GFM1: variants seen among roughly 807,000 people sequenced by gnomAD.
GFM1 encodes the protein elongation factor G, mitochondrial.
A neutral mutation model predicts 96.2 loss-of-function variants in GFM1; 62 were observed. That is an observed-to-expected ratio of 0.64 (90% CI 0.53 to 0.80). The LOEUF is 0.80. Ranked by LOEUF, GFM1 falls within the 30% of genes least tolerant of loss-of-function variation. The pLI is 0.00. For synonymous variants in GFM1, 282 were observed against 312.9 expected (o/e 0.90, Z 1.04); for missense variants, 852 against 916.6 (o/e 0.93, Z 0.91).
At chr3:158,689,862 G>A (rs1726162656) in intron 15 of GFM1, among the ~76,000 whole-genome samples, 1 of 151,958 alleles carries the variant, frequency 6.6e-6, no homozygotes, top group East Asian at 1.9e-4. Context: ...TAATTTAGAT[G>A]GTAAAGGACT....
rs558275501 is a variant in GFM1, at chr3:158,681,917, G to C, written c.1602-78G>C. 2.2e-5 allele frequency: 25 copies of C among 1,158,290 alleles called. No homozygotes were observed. In the East Asian group the frequency reaches 6.1e-4, roughly 28 times the overall value. The allele number at this position is 1,158,290 out of a possible 1,614,324, so 71.8% of individuals were successfully genotyped here. A position where few individuals can be genotyped will look rare whatever the true frequency, so the allele number is the denominator to read the frequency against. Reference sequence around the variant, plus strand: ...TGAAAAAGTAAAAATAATCAAATGTGTTCTTTTAAATTAATAGGAGTTATT... The same window carrying C: ...TGAAAAAGTAAAAATAATCAAATGTCTTCTTTTAAATTAATAGGAGTTATT... On this transcript the variant is annotated intron_variant, in intron 13 of 17. Coordinates refer to ENST00000486715, the MANE Select transcript of GFM1 (RefSeq NM_024996.7).
intron 6 of GFM1, 77 bp downstream of exon 6, chr3:158,652,323 C>A: frequency 1.6e-6 from 2 of 1,222,294 alleles, no homozygotes; most frequent in Non-Finnish European, 2.4e-6. Flanking sequence ...GGACATGATG[C>A]TTTTATGTAT....
At chr3:158,673,675 C>T (rs1724599704) in intron 13 of GFM1, among the ~76,000 whole-genome samples, 1 of 151,738 alleles carries the variant, frequency 6.6e-6, no homozygotes, top group Non-Finnish European at 1.5e-5. Flanking sequence ...CAATGCCCGG[C>T]TAGTTTTTTG....
chr3:158,663,378 T>A (rs1479548566), intron 11 of GFM1, among the ~76,000 whole-genome samples: 1 of 152,248 alleles, frequency 6.6e-6, no homozygotes, highest in Non-Finnish European at 1.5e-5. Context: ...ATTCACTTAT[T>A]CATACATTGA....
chr3:158,662,806 T>C (rs1194699841), intron 11 of GFM1, 122 bp downstream of exon 11: 3 of 730,360 alleles, frequency 4.1e-6, no homozygotes, highest in African/African-American at 1.8e-5. Context: ...ATTTCCTCTG[T>C]TGGTATTGAG....
intron 8 of GFM1, among the ~76,000 whole-genome samples, 159 bp downstream of exon 8, chr3:158,654,790 T>G (rs1576737520): frequency 6.6e-6 from 1 of 152,202 alleles, no homozygotes. Flanking sequence ...ACATGATAGT[T>G]CTTTTGTTAT....
chr3:158,673,157 A>G (rs1251248618), intron 13 of GFM1, among the ~76,000 whole-genome samples: 1 of 152,270 alleles, frequency 6.6e-6, no homozygotes, highest in Non-Finnish European at 1.5e-5. Context: ...ATAGTATTAA[A>G]TTGGGAGATT....
chr3:158,655,920 GTTT>G (rs1722713767), intron 8 of GFM1: 2 of 457,098 alleles, frequency 4.4e-6, no homozygotes, highest in Non-Finnish European at 8.8e-6. Flanking sequence ...GGCTGTAATA[GTTT>G]CTTAGACTTT....
In GFM1 at chr3:158,691,520, C is replaced by T. The variant is rs1465296566; in HGVS notation, c.*53C>T. 5.7e-6 allele frequency: 9 copies of T among 1,591,568 alleles called. No individual in the cohort carries two copies. In the East Asian group the frequency reaches 2.0e-4, roughly 36 times the overall value. ...TAATTGAATCTGCGTGGTTTTGATA[C>T]TTTGATGGATTCCAGTGGAATAAAT... On this transcript the variant is annotated 3_prime_UTR_variant, in exon 18 of 18. Transcript: ENST00000486715.
intron 13 of GFM1, among the ~76,000 whole-genome samples, chr3:158,678,307 A>G (rs1725072683): frequency 6.6e-6 from 1 of 152,212 alleles, no homozygotes; most frequent in South Asian, 2.1e-4. Context: ...TACATTTTGT[A>G]AGGCGATCGC....
chr3:158,662,747 T>G, intron 11 of GFM1, 63 bp downstream of exon 11: 1 of 933,020 alleles, frequency 1.1e-6, no homozygotes, highest in Non-Finnish European at 1.8e-6. Flanking sequence ...TTCATCTATC[T>G]CTACAATGCA....
At chr3:158,646,493 T>A (rs1254332562) in intron 3 of GFM1, among the ~76,000 whole-genome samples, 196 bp downstream of exon 3, 3 of 152,194 alleles carry the variant, frequency 2.0e-5, no homozygotes, top group African/African-American at 7.2e-5. Flanking sequence ...GCAAGTAAAT[T>A]GTGAGTAGGC....
chr3:158,674,257 A>G (rs1218804476), intron 13 of GFM1, among the ~76,000 whole-genome samples: 1 of 151,334 alleles, frequency 6.6e-6, no homozygotes, highest in South Asian at 2.1e-4. Flanking sequence ...ATTTTTTTGT[A>G]TTTTAGTAGA....
chr3:158,648,916 C>T, intron 4 of GFM1, 125 bp from the exon 5 acceptor site: 1 of 686,258 alleles, frequency 1.5e-6, no homozygotes, highest in African/African-American at 1.8e-5. Flanking sequence ...TCTGTTCTGA[C>T]CTGATGGTAA....
At chr3:158,686,610 ATATG>A (rs1412849990) in intron 15 of GFM1, among the ~76,000 whole-genome samples, 1 of 148,538 alleles carries the variant, frequency 6.7e-6, no homozygotes, top group African/African-American at 2.5e-5. Flanking sequence ...AAACAGTTGA[ATATG>A]TACCATTTAG....
intron 10 of GFM1, 131 bp downstream of exon 10, chr3:158,661,106 G>GTGGCTCTTTGAATGTTGGTTA (rs1723167043): frequency 1.4e-6 from 1 of 729,356 alleles, no homozygotes; most frequent in Admixed American, 2.0e-5. Flanking sequence ...CAAGTTAGTT[G>GTGGCTCTTTGAATGTTGGTTA]TGGCTCTTTG....
rs1260527024 is a variant in GFM1, at chr3:158,692,575, C to G, written c.*1108C>G. The G allele has an allele frequency of 6.6e-6, 1 of 151,982 alleles. No individual in the cohort carries two copies. The highest frequency in any genetic ancestry group is 2.4e-5 in the African/African-American group (1 of 41,378). 9.4% of individuals were successfully genotyped at this position (151,982 alleles called of 1,614,324 possible). ...GAAATAAAATAATTGATTTTAAATT[C>G]CTTTGCTTTTCTTGACTTATAGACG... is the stretch of plus-strand genomic sequence containing the variant. On this transcript the variant is annotated 3_prime_UTR_variant, in exon 18 of 18. Transcript: ENST00000486715.
chr3:158,655,681 C>T, intron 8 of GFM1: 19 of 243,058 alleles, frequency 7.8e-5, no homozygotes, highest in South Asian at 1.5e-4. Flanking sequence ...GAAGATAGTC[C>T]AGAGAATTCC....
chr3:158,655,345 A>G (rs767246637), intron 8 of GFM1, among the ~76,000 whole-genome samples: 2 of 152,036 alleles, frequency 1.3e-5, no homozygotes, highest in Non-Finnish European at 2.9e-5. Context: ...TTAGCTGAGT[A>G]TGGTGGCGGA....
Sources: allele counts gnomAD v4.1 joint callset (sites outside exome capture counted in the v4.1 genomes callset), GRCh38; gene constraint gnomAD v4.1.1; transcripts MANE v1.5; gene names NCBI Gene and HGNC (gene_info 2026-07-23, HGNC 2026-07-21).